ARHGAP15: variants seen among roughly 807,000 people sequenced by gnomAD.
The protein encoded by ARHGAP15 is Rho GTPase activating protein 15, also known as rho GTPase-activating protein 15.
A neutral mutation model predicts 63.7 loss-of-function variants in ARHGAP15; 51 were observed. The observed-to-expected ratio is 0.80, with a 90% CI of 0.64 to 1.01. The LOEUF is 1.01. Ranked by LOEUF, ARHGAP15 falls within the 50% of genes least tolerant of loss-of-function variation. The pLI is 0.00. For synonymous variants in ARHGAP15, 191 were observed against 193.8 expected, an observed-to-expected ratio of 0.99 and a Z score of 0.12; for missense variants, 560 against 564.6, an observed-to-expected ratio of 0.99 and a Z score of 0.08.
intron 13 of ARHGAP15, among the ~76,000 whole-genome samples, chr2:143,721,782 G>C (rs1013441930): frequency 4.6e-5 from 7 of 152,100 alleles, no homozygotes; most frequent in African/African-American, 1.4e-4. Context: ...CGCCTCCCGG[G>C]TTCAAGCAAT....
intron 6 of ARHGAP15, among the ~76,000 whole-genome samples, chr2:143,362,719 T>A (rs1313807115): frequency 6.6e-6 from 1 of 152,208 alleles, no homozygotes; most frequent in Non-Finnish European, 1.5e-5. Context: ...ATAAATGAAC[T>A]ACTCTAACTA....
chr2:143,639,937 A>G (rs1459032406), intron 12 of ARHGAP15, among the ~76,000 whole-genome samples: 1 of 152,140 alleles, frequency 6.6e-6, no homozygotes, highest in Non-Finnish European at 1.5e-5. Context: ...TCTTAATAGT[A>G]TTGTAAGAGT....
intron 8 of ARHGAP15, among the ~76,000 whole-genome samples, chr2:143,455,135 G>A (rs547737188): frequency 1.0e-3 from 153 of 152,138 alleles, no homozygotes; most frequent in African/African-American, 3.5e-3. Flanking sequence ...CCATAGAGCC[G>A]TTCTGAGGGC....
rs997835640 is a variant in ARHGAP15 at position 143,175,581 on chromosome 2, G to A, written c.165+19926G>A. On this transcript the variant is annotated intron_variant, in intron 2 of 13. Transcript: ENST00000295095. ...CAATATTTCTATGGGTGTGGAGCAG[G>A]TATCCGCATAGCACAGTGAAGAAAA... 5.8e-4 allele frequency among the ~76,000 whole-genome samples: 88 copies of A among 152,274 alleles called. 2 individuals carry two copies. The highest frequency in any genetic ancestry group is 2.0e-3 in the African/African-American group (83 of 41,570).
chr2:143,378,602 G>C (rs1466077181), intron 6 of ARHGAP15, among the ~76,000 whole-genome samples: 1 of 152,022 alleles, frequency 6.6e-6, no homozygotes, highest in Non-Finnish European at 1.5e-5. Flanking sequence ...TCACTCAAGA[G>C]TATCATTTTA....
intron 2 of ARHGAP15, among the ~76,000 whole-genome samples, chr2:143,192,820 T>C (rs1045637302): frequency 6.6e-6 from 1 of 152,236 alleles, no homozygotes; most frequent in African/African-American, 2.4e-5. Context: ...GCCTTTTTAA[T>C]GCAAGGCAAA....
At chr2:143,682,513 C>T (rs1683149264) in intron 12 of ARHGAP15, among the ~76,000 whole-genome samples, 1 of 152,042 alleles carries the variant, frequency 6.6e-6, no homozygotes, top group Non-Finnish European at 1.5e-5. Context: ...TATGTGTGTG[C>T]ATGTGTATAC....
At chr2:143,231,538 C>T (rs1204177650) in intron 5 of ARHGAP15, among the ~76,000 whole-genome samples, 1 of 152,158 alleles carries the variant, frequency 6.6e-6, no homozygotes, top group Admixed American at 6.5e-5. Flanking sequence ...CCGGTGCCCC[C>T]ATCTTCTTCC....
chr2:143,459,646 T>TA (rs1040144357), intron 8 of ARHGAP15, among the ~76,000 whole-genome samples: 6 of 151,974 alleles, frequency 3.9e-5, no homozygotes, highest in East Asian at 3.9e-4. Context: ...CTTAATTTTT[T>TA]AAAAAAAAGA....
chr2:143,366,691 G>T (rs1230278311), intron 6 of ARHGAP15, among the ~76,000 whole-genome samples: 1 of 151,894 alleles, frequency 6.6e-6, no homozygotes, highest in African/African-American at 2.4e-5. Flanking sequence ...ATTTAATAGG[G>T]TTAAAGAAAT....
Position 143,250,495 on chromosome 2 carries a change from A to AT in ARHGAP15, c.385-11dup, listed in dbSNP as rs1185734437. ...TGTTGCATCCTCTTATTCTTACTTC[A>AT]TTTTTGTGATTACAGAAAACTGGGC... On this transcript the variant is annotated splice_polypyrimidine_tract_variant and intron_variant, in intron 5 of 13. Transcript: ENST00000295095. 2.5e-6 allele frequency: 4 copies of AT among 1,605,422 alleles called. No homozygotes were observed. The highest frequency in any genetic ancestry group is 3.4e-6 in the Non-Finnish European group (4 of 1,173,504).
At chr2:143,245,861 C>A (rs939004645) in intron 5 of ARHGAP15, among the ~76,000 whole-genome samples, 1 of 152,126 alleles carries the variant, frequency 6.6e-6, no homozygotes, top group African/African-American at 2.4e-5. Context: ...ATGGTACTGA[C>A]AGGTCAGGTA....
intron 6 of ARHGAP15, among the ~76,000 whole-genome samples, chr2:143,417,416 G>A (rs565768213): frequency 6.6e-6 from 1 of 152,210 alleles, no homozygotes; most frequent in South Asian, 2.1e-4. Flanking sequence ...AGAGCATCTG[G>A]GGGAAGTAAA....
intron 6 of ARHGAP15, among the ~76,000 whole-genome samples, chr2:143,258,142 A>C (rs938039254): frequency 6.6e-6 from 1 of 152,092 alleles, no homozygotes; most frequent in African/African-American, 2.4e-5. Flanking sequence ...ATGAAATAAA[A>C]TTGAGTGCTT....
At chr2:143,561,761 C>T (rs1696039216) in intron 11 of ARHGAP15, among the ~76,000 whole-genome samples, 1 of 152,080 alleles carries the variant, frequency 6.6e-6, no homozygotes, top group Non-Finnish European at 1.5e-5. Context: ...CTTCGGCCTT[C>T]CAAAGTGCTG....
intron 6 of ARHGAP15, among the ~76,000 whole-genome samples, chr2:143,364,777 C>T (rs936975819): frequency 1.3e-5 from 2 of 152,120 alleles, no homozygotes; most frequent in African/African-American, 2.4e-5. Flanking sequence ...CTGTAATTCC[C>T]AGCACTTTGG....
chr2:143,681,777 T>C (rs1013701232), intron 12 of ARHGAP15, among the ~76,000 whole-genome samples: 3 of 152,186 alleles, frequency 2.0e-5, no homozygotes, highest in Non-Finnish European at 1.5e-5. Context: ...ACACAGGAGA[T>C]AGAAATCGAG....
At chr2:143,592,603 A>C (rs1195395795) in intron 11 of ARHGAP15, among the ~76,000 whole-genome samples, 1 of 152,184 alleles carries the variant, frequency 6.6e-6, no homozygotes, top group Non-Finnish European at 1.5e-5. Context: ...AGGTCTCCTT[A>C]AGTTGTTCCT....
chr2:143,631,829 G>A (rs1225314822), intron 12 of ARHGAP15, among the ~76,000 whole-genome samples: 1 of 151,480 alleles, frequency 6.6e-6, no homozygotes, highest in Non-Finnish European at 1.5e-5. Context: ...TATCCATTTT[G>A]TCTTTTATGG....
Sources: gnomAD v4.1 joint callset for allele counts (sites outside exome capture counted in the v4.1 genomes callset) on GRCh38, gnomAD v4.1.1 for gene constraint, MANE v1.5 for transcripts, NCBI Gene and HGNC (gene_info 2026-07-23, HGNC 2026-07-21) for gene names.